The following MAP2K5 variants were observed in gnomAD, a reference collection of about 807,000 sequenced individuals.
MAP2K5 encodes mitogen-activated protein kinase kinase 5, also known as dual specificity mitogen-activated protein kinase kinase 5.
MAP2K5 carries 49 observed loss-of-function variants against 83.1 expected under a neutral mutation model. The observed-to-expected ratio is 0.59, with a 90% confidence interval of 0.47 to 0.75. The LOEUF (loss-of-function observed/expected upper bound fraction) is 0.75, where lower values mean the gene tolerates loss of function less well. Ranked by LOEUF, MAP2K5 falls within the 30% of genes least tolerant of loss-of-function variation. The pLI, the probability that MAP2K5 is intolerant of heterozygous loss-of-function variation, is 0.00. For missense variants in MAP2K5, 457 were observed against 557.5 expected (o/e 0.82, Z 1.82); for synonymous variants, 202 against 191.8 (o/e 1.05, Z -0.44).
chr15:67,583,097 G>A (rs1312714765), intron 4 of MAP2K5, among the ~76,000 whole-genome samples: 2 of 152,076 alleles, frequency 1.3e-5, no homozygotes, highest in African/African-American at 4.8e-5. Context: ...TGCCTATTAG[G>A]TATTACTGTT....
intron 1 of MAP2K5, among the ~76,000 whole-genome samples, chr15:67,545,584 A>G (rs1316684211): frequency 1.3e-5 from 2 of 152,214 alleles, no homozygotes; most frequent in Non-Finnish European, 2.9e-5. Flanking sequence ...TCTCTTACTC[A>G]TTTAAAACAA....
intron 2 of MAP2K5, among the ~76,000 whole-genome samples, chr15:67,551,868 T>C (rs992732169): frequency 2.6e-5 from 4 of 151,394 alleles, no homozygotes; most frequent in Admixed American, 2.0e-4. Context: ...TGAGTTAGGA[T>C]TTTTTACATT....
intron 11 of MAP2K5, among the ~76,000 whole-genome samples, chr15:67,654,622 G>T (rs1331167036): frequency 6.6e-6 from 1 of 152,102 alleles, no homozygotes; most frequent in Non-Finnish European, 1.5e-5. Flanking sequence ...ATATCAAGTA[G>T]ATATTTTCAA....
chr15:67,547,473 T>TC (rs1229546368), intron 1 of MAP2K5, among the ~76,000 whole-genome samples: 44 of 143,144 alleles, frequency 3.1e-4, no homozygotes, highest in African/African-American at 1.1e-3. Flanking sequence ...TTTTTTTTTT[T>TC]GAGACAGAGT....
chr15:67,727,589 A>T (rs891060573), intron 16 of MAP2K5, among the ~76,000 whole-genome samples: 33 of 152,368 alleles, frequency 2.2e-4, no homozygotes, highest in African/African-American at 6.7e-4. Flanking sequence ...GAGTTTTTAC[A>T]TCTCTGTCTA....
At position 67,563,021 on chromosome 15, in the gene MAP2K5, T is replaced by C. The variant is rs1013520678; in HGVS notation, c.185-262T>C. On this transcript the variant is annotated intron_variant, in intron 2 of 21. Transcript: ENST00000178640. This position sits in a 1 kb window ranked among gnomAD's most constrained non-coding sequence, Gnocchi z 4.5. ...AACCTGTTTTGTCATACTCCAGTTA[T>C]ATTTACTTTAACCTAGAGATATGTT... Among the ~76,000 whole-genome samples, 2 of 152,212 alleles carry C rather than the reference T, an allele frequency of 1.3e-5. No homozygotes were observed. Among genetic ancestry groups the C allele is most frequent in the Non-Finnish European group, 2.9e-5 (2 of 68,028 alleles).
chr15:67,585,475 C>T (rs1180135355), intron 4 of MAP2K5, among the ~76,000 whole-genome samples: 2 of 152,080 alleles, frequency 1.3e-5, no homozygotes, highest in Admixed American at 1.3e-4. Context: ...ATCTTTTTGG[C>T]ATTAAAACAT....
intron 9 of MAP2K5, among the ~76,000 whole-genome samples, chr15:67,632,846 GTTC>G (rs2086505716): frequency 1.3e-5 from 2 of 152,190 alleles, no homozygotes; most frequent in South Asian, 2.1e-4. Context: ...GAAATCCAGA[GTTC>G]TTCTTCCATA....
intron 1 of MAP2K5, among the ~76,000 whole-genome samples, chr15:67,545,588 A>G (rs753369185): frequency 1.1e-4 from 17 of 152,246 alleles, no homozygotes; most frequent in Non-Finnish European, 1.6e-4. Flanking sequence ...TTACTCATTT[A>G]AAACAATGGA....
chr15:67,754,443 G>A (rs1229559803), intron 19 of MAP2K5, among the ~76,000 whole-genome samples: 1 of 152,132 alleles, frequency 6.6e-6, no homozygotes, highest in African/African-American at 2.4e-5. Context: ...TACTTCAAGG[G>A]ACATTTATTG....
At chr15:67,658,800 A>T (rs761566264) in intron 12 of MAP2K5, 186 bp downstream of exon 12, 1 of 640,430 alleles carries the variant, frequency 1.6e-6, no homozygotes, top group South Asian at 1.5e-5. Flanking sequence ...CAACATAGTC[A>T]CACGCTTATG....
rs2088083019 is a variant in MAP2K5, at chr15:67,690,611, G to A, written c.848-1868G>A. On this transcript the variant is annotated intron_variant, in intron 13 of 21. Coordinates refer to ENST00000178640, the MANE Select transcript of MAP2K5 (RefSeq NM_145160.3). This position sits in a 1 kb window ranked among gnomAD's most constrained non-coding sequence, Gnocchi z 4.3. ...TGCAGTGGCACCATCTCAGCTCACT[G>A]CAACCTCTGTTTCCCAGGTTGAAGC... Among the ~76,000 whole-genome samples the A allele has an allele frequency of 6.6e-6, 1 of 150,716 alleles. No individual in the cohort carries two copies. The highest frequency in any genetic ancestry group is 2.4e-5 in the African/African-American group (1 of 40,840).
rs1343744656 is a variant in MAP2K5, at chr15:67,577,201, C to T, written c.253-3553C>T. 6.6e-6 allele frequency among the ~76,000 whole-genome samples: 1 copy of T among 152,108 alleles called. No individual in the cohort carries two copies. Among genetic ancestry groups the T allele is most frequent in the Non-Finnish European group, 1.5e-5 (1 of 68,018 alleles). ...CCACCCGCCTCGGCCTCCCAAAGTGCTGGGATTACAGGCGTGAGCCACCGT... is the reference window on the plus strand; with the variant it reads ...CCACCCGCCTCGGCCTCCCAAAGTGTTGGGATTACAGGCGTGAGCCACCGT... On this transcript the variant is annotated intron_variant, in intron 3 of 21. Transcript: ENST00000178640. This position sits in a 1 kb window ranked among gnomAD's most constrained non-coding sequence, Gnocchi z 4.1.
chr15:67,669,691 C>T (rs1159454490), intron 13 of MAP2K5, among the ~76,000 whole-genome samples: 2 of 152,056 alleles, frequency 1.3e-5, no homozygotes, highest in Non-Finnish European at 2.9e-5. Flanking sequence ...TGATGGATTG[C>T]TTGTGACTTT....
intron 14 of MAP2K5, 36 bp from the exon 15 acceptor site, chr15:67,693,482 C>T: frequency 3.3e-6 from 5 of 1,538,382 alleles, no homozygotes; most frequent in African/African-American, 1.4e-5. Context: ...TCCACATTAT[C>T]TTTATATTGT....
chr15:67,718,361 C>CT (rs1008469049), intron 16 of MAP2K5, among the ~76,000 whole-genome samples: 5 of 152,178 alleles, frequency 3.3e-5, no homozygotes, highest in African/African-American at 1.2e-4. Flanking sequence ...GTTACACAAA[C>CT]TTTTTAAAAG....
Position 67,806,652 on chromosome 15 carries a change from C to T in MAP2K5, c.1249C>T (p.Pro417Ser), listed in dbSNP as rs1566971035. ...CTCCTCCTCTTCCCCGCAGGGCCAC[C>T]CGTTCATCGTGCAGTTCAATGATGG... ...RPAPEELMGH[P>S]FIVQFNDGNA... Residue 417 changes from proline (P) to serine (S), a missense_variant, in exon 22 of 22, where the codon CCG (proline) becomes TCG (serine). This residue lies in a region of MAP2K5 where 55 missense variants were observed against 50.9 expected (regional missense o/e 1.08). Coordinates refer to ENST00000178640, the MANE Select transcript of MAP2K5 (RefSeq NM_145160.3). 6.4e-7 allele frequency: 1 copy of T among 1,550,582 alleles called. No homozygotes were observed.
chr15:67,799,329 C>G (rs1329609764), intron 21 of MAP2K5, among the ~76,000 whole-genome samples: 1 of 152,278 alleles, frequency 6.6e-6, no homozygotes, highest in African/African-American at 2.4e-5. Flanking sequence ...CCTCCTCTCA[C>G]CCCTGTGCCC....
intron 6 of MAP2K5, among the ~76,000 whole-genome samples, chr15:67,590,858 C>G (rs982419129): frequency 1.3e-5 from 2 of 152,122 alleles, no homozygotes; most frequent in African/African-American, 4.8e-5. Flanking sequence ...TTTATGGAAC[C>G]CTTAGCATAT....
Sources: allele counts gnomAD v4.1 joint callset (sites outside exome capture counted in the v4.1 genomes callset), GRCh38; gene constraint gnomAD v4.1.1; regional missense constraint gnomAD v4.1.1; non-coding constraint Gnocchi (gnomAD v3.1); transcripts MANE v1.5; gene names NCBI Gene and HGNC (gene_info 2026-07-23, HGNC 2026-07-21).